The following NRG1 variants were observed in gnomAD, a reference collection of about 807,000 sequenced individuals.
NRG1 encodes pro-neuregulin-1, membrane-bound isoform.
A neutral mutation model predicts 63.8 loss-of-function variants in NRG1; 18 were observed. That is an observed-to-expected ratio of 0.28 (90% CI 0.19 to 0.42). The LOEUF is 0.42. Among genes scored for constraint, NRG1 ranks in the 10% least tolerant of loss-of-function variants. The pLI is 1.00. For missense variants in NRG1, 762 were observed against 814.7 expected, an observed-to-expected ratio of 0.94 and a Z score of 0.79; for synonymous variants, 302 against 301.3, an observed-to-expected ratio of 1.00 and a Z score of -0.02.
chr8:31,655,544 A>G (rs1211390843), intron 1 of NRG1, among the ~76,000 whole-genome samples: 1 of 152,202 alleles, frequency 6.6e-6, no homozygotes, highest in African/African-American at 2.4e-5. Context: ...GGAAGCAAAA[A>G]TGGGGTCTGA....
chr8:32,622,519 C>T (rs1848518365), intron 5 of NRG1, among the ~76,000 whole-genome samples: 1 of 152,088 alleles, frequency 6.6e-6, no homozygotes, highest in African/African-American at 2.4e-5. Flanking sequence ...CTTCCTTCCT[C>T]AGCCTCCCTA....
intron 1 of NRG1, among the ~76,000 whole-genome samples, chr8:32,422,490 C>T (rs1481603260): frequency 6.6e-6 from 1 of 152,194 alleles, no homozygotes; most frequent in Non-Finnish European, 1.5e-5. Context: ...CATTTTTGCT[C>T]TCATAACAAT....
At chr8:32,009,071 G>C (rs1270849256) in intron 1 of NRG1, among the ~76,000 whole-genome samples, 1 of 152,050 alleles carries the variant, frequency 6.6e-6, no homozygotes, top group Admixed American at 6.6e-5. Flanking sequence ...TAGTCACACT[G>C]GTTATTTTTA....
At chr8:32,510,094 CAAAAAT>C (rs1229852148) in intron 1 of NRG1, among the ~76,000 whole-genome samples, 3 of 86,768 alleles carry the variant, frequency 3.5e-5, no homozygotes, top group South Asian at 7.5e-4. Context: ...CTATCCTAGA[CAAAAAT>C]AATAATAATA....
intron 1 of NRG1, among the ~76,000 whole-genome samples, chr8:32,058,058 C>A (rs201686051): frequency 1.1e-4 from 1 of 9,388 alleles, no homozygotes; most frequent in African/African-American, 1.1e-4. Flanking sequence ...ATTATACCGA[C>A]TTGATCTTTA....
chr8:32,412,420 C>CATA lies in NRG1; in HGVS notation c.38-183408_38-183407insATA, dbSNP rs1815116027. Among the ~76,000 whole-genome samples the CATA allele has an allele frequency of 1.9e-4, 8 of 41,800 alleles. 1 individual carries two copies. The highest frequency in any genetic ancestry group is 4.0e-4 in the Non-Finnish European group (7 of 17,526). 27.4% of individuals were successfully genotyped at this position (41,800 alleles called of 152,430 possible). ...CTCTCCTCTCTCTCTCTCTCTCTCTCTACATATATATATATATATATATAT... is the reference window on the plus strand; with the variant it reads ...CTCTCCTCTCTCTCTCTCTCTCTCTCATATACATATATATATATATATATATAT... On this transcript the variant is annotated intron_variant, in intron 1 of 10. Transcript: ENST00000519301.
rs1196057975 is a variant in NRG1 at position 32,104,825 on chromosome 8, G to A, written c.37+465394G>A. Among the ~76,000 whole-genome samples the A allele has an allele frequency of 2.6e-5, 4 of 151,818 alleles. No homozygotes were observed. The East Asian group carries it at 7.8e-4, about 29-fold the overall frequency. On this transcript the variant is annotated intron_variant, in intron 1 of 10. Coordinates refer to the NRG1 transcript ENST00000519301. ...GGAAGGTCTTCAGGGTAAATAACAAGCACGAAGCTGTCATCTCCTATAACA... is the reference window on the plus strand; with the variant it reads ...GGAAGGTCTTCAGGGTAAATAACAAACACGAAGCTGTCATCTCCTATAACA...
chr8:32,404,784 C>T (rs961870347), intron 1 of NRG1, among the ~76,000 whole-genome samples: 2 of 151,962 alleles, frequency 1.3e-5, no homozygotes, highest in Non-Finnish European at 2.9e-5. Flanking sequence ...AGGGTTTCAC[C>T]ATGGTGGCCA....
At chr8:32,535,712 C>T (rs1420381302) in intron 1 of NRG1, among the ~76,000 whole-genome samples, 2 of 152,158 alleles carry the variant, frequency 1.3e-5, no homozygotes, top group African/African-American at 4.8e-5. Flanking sequence ...TTTCCAATTG[C>T]TTCCCCATGT....
intron 1 of NRG1, among the ~76,000 whole-genome samples, chr8:32,152,713 T>G (rs1837635013): frequency 1.3e-5 from 2 of 152,200 alleles, no homozygotes; most frequent in Admixed American, 1.3e-4. Flanking sequence ...ACTGCTGAAC[T>G]GGTTAAATCC....
chr8:32,083,617 C>T (rs1186440025), intron 1 of NRG1, among the ~76,000 whole-genome samples: 1 of 152,148 alleles, frequency 6.6e-6, no homozygotes, highest in Non-Finnish European at 1.5e-5. Context: ...GCTTACTAAT[C>T]CCTTCATCTT....
chr8:32,105,179 C>A (rs1473453526), intron 1 of NRG1, among the ~76,000 whole-genome samples: 2 of 152,050 alleles, frequency 1.3e-5, no homozygotes, highest in African/African-American at 4.8e-5. Context: ...TCTGTTATAA[C>A]CTTATAGGTC....
chr8:32,591,213 C>T (rs2466094), intron 1 of NRG1, among the ~76,000 whole-genome samples: 100,358 of 151,998 alleles, frequency 0.66, 33,662 homozygotes, highest in East Asian at 0.83. Context: ...CCCAGAAGGA[C>T]GCAGCAGGGA....
intron 1 of NRG1, among the ~76,000 whole-genome samples, chr8:31,699,410 A>T (rs1218143214): frequency 6.6e-6 from 1 of 152,204 alleles, no homozygotes; most frequent in Admixed American, 6.5e-5. Context: ...ATTAAAAAAA[A>T]TCAGAATTCT....
intron 1 of NRG1, among the ~76,000 whole-genome samples, chr8:32,043,045 GA>G (rs1820350283): frequency 6.8e-6 from 1 of 147,294 alleles, no homozygotes; most frequent in Non-Finnish European, 1.5e-5. Flanking sequence ...AATAATGGCT[GA>G]AACATCCCAA....
At chr8:32,362,900 C>T (rs1323997846) in intron 1 of NRG1, among the ~76,000 whole-genome samples, 1 of 152,118 alleles carries the variant, frequency 6.6e-6, no homozygotes, top group Non-Finnish European at 1.5e-5. Flanking sequence ...AGCCTGAAGC[C>T]CCGTTTTCCA....
At chr8:32,753,614 A>C (rs764544306) in intron 7 of NRG1, among the ~76,000 whole-genome samples, 30 of 152,182 alleles carry the variant, frequency 2.0e-4, no homozygotes, top group Non-Finnish European at 3.4e-4. Flanking sequence ...TGTCTTCCAA[A>C]GGACAAGTCA....
At chr8:32,164,292 C>T (rs1404448494) in intron 1 of NRG1, among the ~76,000 whole-genome samples, 1 of 151,860 alleles carries the variant, frequency 6.6e-6, no homozygotes, top group African/African-American at 2.4e-5. Flanking sequence ...TATCTGTCTT[C>T]AGTATCTATC....
chr8:32,067,015 T>C (rs1415908663), intron 1 of NRG1, among the ~76,000 whole-genome samples: 1 of 152,196 alleles, frequency 6.6e-6, no homozygotes, highest in African/African-American at 2.4e-5. Context: ...ATAAGAATGC[T>C]TGTGATTTTT....
Sources: gnomAD v4.1 joint callset for allele counts (sites outside exome capture counted in the v4.1 genomes callset) on GRCh38, gnomAD v4.1.1 for gene constraint, MANE v1.5 for transcripts, NCBI Gene and HGNC (gene_info 2026-07-23, HGNC 2026-07-21) for gene names.